B3GALT1: variants seen among roughly 807,000 people sequenced by gnomAD.
B3GALT1 encodes the protein UDP-Gal:betaGlcNAc beta 1,3-galactosyltransferase, polypeptide 1.
In B3GALT1, 10 loss-of-function variants were observed where a neutral mutation model predicts 23.2. The ratio of observed to expected loss-of-function variants is 0.43; its 90% CI spans 0.27 to 0.73. The LOEUF (loss-of-function observed/expected upper bound fraction) is 0.73, where lower values mean the gene tolerates loss of function less well. Among genes scored for constraint, B3GALT1 ranks in the 30% least tolerant of loss-of-function variants. The pLI is 0.21. For missense variants in B3GALT1, 299 were observed against 405.4 expected, an observed-to-expected ratio of 0.74 and a Z score of 2.25; for synonymous variants, 156 against 141.5, an observed-to-expected ratio of 1.10 and a Z score of -0.73.
chr2:167,518,661 G>T (rs551672333), intron 2 of B3GALT1, among the ~76,000 whole-genome samples: 2 of 152,276 alleles, frequency 1.3e-5, no homozygotes, highest in South Asian at 4.1e-4. Context: ...TGCAAATCCA[G>T]AACCAAGTCT....
rs190475635 is a variant in B3GALT1 at position 167,786,019 on chromosome 2, C to T, written c.-351-32653C>T. Among the ~76,000 whole-genome samples the T allele has an allele frequency of 5.8e-3, 885 of 152,334 alleles. 2 individuals are homozygous for T. Among genetic ancestry groups the T allele is most frequent in the Non-Finnish European group, 9.3e-3 (633 of 68,030 alleles). ...TACGTTGAAAGCAATTTTCCCTGCT[C>T]ATTTCCAGTTGTTCCCACTAGTCAG... On this transcript the variant is annotated intron_variant, in intron 3 of 4. Transcript: ENST00000392690.
At chr2:167,656,144 C>T (rs1223922286) in intron 3 of B3GALT1, among the ~76,000 whole-genome samples, 1 of 151,004 alleles carries the variant, frequency 6.6e-6, no homozygotes, top group Admixed American at 6.6e-5. Flanking sequence ...GTTGGGCTTT[C>T]TAAGACAGTA....
At chr2:167,657,613 A>G (rs1242029891) in intron 3 of B3GALT1, among the ~76,000 whole-genome samples, 1 of 152,076 alleles carries the variant, frequency 6.6e-6, no homozygotes, top group East Asian at 1.9e-4. Flanking sequence ...CTAATTATTC[A>G]CTTACCAAGA....
At chr2:167,848,302 C>T (rs1383832393) in intron 4 of B3GALT1, among the ~76,000 whole-genome samples, 2 of 152,150 alleles carry the variant, frequency 1.3e-5, no homozygotes, top group Non-Finnish European at 2.9e-5. Context: ...AAGAAAACTA[C>T]AGACCTATAT....
chr2:167,864,296 T>G (rs1016349275), intron 4 of B3GALT1, among the ~76,000 whole-genome samples: 20 of 152,230 alleles, frequency 1.3e-4, no homozygotes, highest in African/African-American at 4.8e-4. Flanking sequence ...CTCACACCTG[T>G]AATCCCAGCA....
chr2:167,743,858 C>T (rs1687614231), intron 3 of B3GALT1, among the ~76,000 whole-genome samples: 1 of 151,994 alleles, frequency 6.6e-6, no homozygotes, highest in Admixed American at 6.6e-5. Context: ...CTCTGTTATT[C>T]TGCTTTAGTG....
intron 1 of B3GALT1, among the ~76,000 whole-genome samples, chr2:167,395,240 G>C (rs993739956): frequency 1.3e-5 from 2 of 152,024 alleles, no homozygotes; most frequent in Admixed American, 6.6e-5. Context: ...CCTGAAACCT[G>C]TGGTTACTTT....
At chr2:167,532,854 C>CTT (rs1173819982) in intron 2 of B3GALT1, among the ~76,000 whole-genome samples, 6,483 of 96,102 alleles carry the variant, frequency 0.067, 204 homozygotes, top group African/African-American at 0.13. Context: ...TTTACTGCAT[C>CTT]TTTTTTTTTT....
chr2:167,868,137 G>C (rs901051019), intron 4 of B3GALT1, among the ~76,000 whole-genome samples: 6 of 152,236 alleles, frequency 3.9e-5, no homozygotes, highest in Admixed American at 3.3e-4. Flanking sequence ...GGTCACTTGG[G>C]TGATGGGTTC....
intron 3 of B3GALT1, among the ~76,000 whole-genome samples, chr2:167,648,261 C>A (rs948666115): frequency 3.9e-5 from 6 of 152,092 alleles, no homozygotes; most frequent in Admixed American, 3.3e-4. Flanking sequence ...TTGCTCAAAG[C>A]ATAAAGGATA....
intron 1 of B3GALT1, among the ~76,000 whole-genome samples, chr2:167,398,336 C>T (rs1370141198): frequency 6.6e-6 from 1 of 151,944 alleles, no homozygotes; most frequent in Non-Finnish European, 1.5e-5. Context: ...TTTGTTTTTG[C>T]CCCTTTCTAG....
intron 1 of B3GALT1, among the ~76,000 whole-genome samples, chr2:167,394,437 C>T (rs535036837): frequency 6.6e-6 from 1 of 152,048 alleles, no homozygotes; most frequent in Admixed American, 6.6e-5. Flanking sequence ...TTCTAAAATA[C>T]AATTATCTAT....
intron 1 of B3GALT1, among the ~76,000 whole-genome samples, chr2:167,447,701 A>G (rs1229514327): frequency 6.6e-6 from 1 of 151,988 alleles, no homozygotes; most frequent in African/African-American, 2.4e-5. Context: ...GTTTGCTAAG[A>G]CCATTGGAAA....
Position 167,792,660 on chromosome 2 carries a change from C to T in B3GALT1, c.-351-26012C>T, listed in dbSNP as rs115941155. On this transcript the variant is annotated intron_variant, in intron 3 of 4. Coordinates refer to ENST00000392690, the MANE Select transcript of B3GALT1 (RefSeq NM_020981.4). Reference sequence around the variant, plus strand: ...ATGAAAATAGTTTGGACTTTGTTGACCATTTCTAACAGTAAGACACTGTTA... The same window carrying T: ...ATGAAAATAGTTTGGACTTTGTTGATCATTTCTAACAGTAAGACACTGTTA... Among the ~76,000 whole-genome samples the T allele has an allele frequency of 3.9e-3, 588 of 152,150 alleles. 3 individuals carry two copies. Among genetic ancestry groups the T allele is most frequent in the Non-Finnish European group, 6.7e-3 (458 of 68,000 alleles).
intron 1 of B3GALT1, among the ~76,000 whole-genome samples, chr2:167,379,213 A>G (rs1380162550): frequency 6.6e-6 from 1 of 152,046 alleles, no homozygotes. Flanking sequence ...AACACCTATA[A>G]AACCATCAGA....
At chr2:167,663,470 A>C (rs931096040) in intron 3 of B3GALT1, among the ~76,000 whole-genome samples, 69 of 152,316 alleles carry the variant, frequency 4.5e-4, no homozygotes, top group African/African-American at 1.6e-3. Flanking sequence ...CTTTGGGTAT[A>C]TGCCCAGTAA....
chr2:167,308,959 T>C (rs1479714825), intron 1 of B3GALT1, among the ~76,000 whole-genome samples: 2 of 152,090 alleles, frequency 1.3e-5, no homozygotes, highest in Non-Finnish European at 2.9e-5. Context: ...ATGTTTTTAG[T>C]CATATTCATT....
At chr2:167,333,447 C>T (rs1459704709) in intron 1 of B3GALT1, among the ~76,000 whole-genome samples, 11 of 152,166 alleles carry the variant, frequency 7.2e-5, no homozygotes, top group Non-Finnish European at 7.4e-5. Context: ...CTGATACTAT[C>T]GCAGTACTGC....
intron 2 of B3GALT1, among the ~76,000 whole-genome samples, chr2:167,633,520 C>A (rs918383715): frequency 4.7e-5 from 7 of 150,490 alleles, no homozygotes; most frequent in Admixed American, 1.3e-4. Context: ...CAAAAAAAAA[C>A]CAGGGGTTGC....
Sources: gnomAD v4.1 joint callset for allele counts (sites outside exome capture counted in the v4.1 genomes callset) on GRCh38, gnomAD v4.1.1 for gene constraint, MANE v1.5 for transcripts, NCBI Gene and HGNC (gene_info 2026-07-23, HGNC 2026-07-21) for gene names.